Variants in IL31RA observed in about 807,000 individuals in gnomAD.
The protein encoded by IL31RA is interleukin-31 receptor subunit alpha.
A neutral mutation model predicts 83.7 loss-of-function variants in IL31RA; 66 were observed. That is an observed-to-expected ratio of 0.79 (90% confidence interval 0.65 to 0.97). The LOEUF is 0.97. Among genes scored for constraint, IL31RA ranks in the 50% least tolerant of loss-of-function variants. The probability of loss-of-function intolerance (pLI) is 0.00; values close to 1 mark genes in which losing one functional copy is unlikely to be tolerated. For missense variants in IL31RA, 798 were observed against 919.4 expected (o/e 0.87, Z 1.71); for synonymous variants, 325 against 329.0 (o/e 0.99, Z 0.13).
At chr5:55,861,370 A>C (rs1012621693) in intron 2 of IL31RA, among the ~76,000 whole-genome samples, 2 of 152,210 alleles carry the variant, frequency 1.3e-5, no homozygotes, top group African/African-American at 4.8e-5. Context: ...AGCCAGAGTT[A>C]CTGCCTGAGC....
In IL31RA at chr5:55,867,139, G is replaced by GTGTGTGCGTGTGTGCA. The variant is rs371523663; in HGVS notation, c.155-1646_155-1645insCGTGTGTGCATGTGTG. On this transcript the variant is annotated intron_variant, in intron 2 of 14. Transcript: ENST00000652347. ...TGTGTGTGTTTGTGTGTGTGTGCAT[G>GTGTGTGCGTGTGTGCA]TGTGTGTGCATGTGTGTTTGTGTGT... Among the ~76,000 whole-genome samples the GTGTGTGCGTGTGTGCA allele has an allele frequency of 8.1e-3, 418 of 51,438 alleles. 5 individuals carry two copies. Among genetic ancestry groups the GTGTGTGCGTGTGTGCA allele is most frequent in the African/African-American group, 0.029 (406 of 14,234 alleles). The allele number at this position is 51,438 out of a possible 152,430, so 33.7% of individuals were successfully genotyped here. A position where few individuals can be genotyped will look rare whatever the true frequency, so the allele number is the denominator to read the frequency against.
intron 8 of IL31RA, 42 bp from the exon 9 acceptor site, chr5:55,906,064 T>C (rs1482680128): frequency 1.3e-6 from 2 of 1,599,442 alleles, no homozygotes; most frequent in Middle Eastern, 1.7e-4. Context: ...ATTTGGGGAA[T>C]GAGTTGGGTA....
At chr5:55,862,797 G>T (rs978614399) in intron 2 of IL31RA, among the ~76,000 whole-genome samples, 1 of 152,156 alleles carries the variant, frequency 6.6e-6, no homozygotes, top group African/African-American at 2.4e-5. Flanking sequence ...GTCTGTTACA[G>T]GTCCTTAGTC....
chr5:55,870,336 A>G (rs56938922), intron 3 of IL31RA, among the ~76,000 whole-genome samples: 2,670 of 152,350 alleles, frequency 0.018, 77 homozygotes, highest in African/African-American at 0.061. Context: ...TGCAAGATCA[A>G]GAGATGGGCT....
At chr5:55,865,904 G>T (rs890231346) in intron 2 of IL31RA, among the ~76,000 whole-genome samples, 2 of 152,224 alleles carry the variant, frequency 1.3e-5, no homozygotes, top group African/African-American at 4.8e-5. Context: ...TGTGACTGCA[G>T]ACTTGGATGC....
At chr5:55,906,604 G>A (rs2112556269) in intron 9 of IL31RA, among the ~76,000 whole-genome samples, 1 of 152,246 alleles carries the variant, frequency 6.6e-6, no homozygotes, top group East Asian at 1.9e-4. Context: ...GATCCCAGCT[G>A]GCCTACCTAG....
intron 10 of IL31RA, 123 bp downstream of exon 10, chr5:55,907,583 G>T: frequency 2.7e-6 from 2 of 731,926 alleles, no homozygotes; most frequent in Non-Finnish European, 5.0e-6. Context: ...GCTTCATCTT[G>T]TAGTGAGCTC....
Position 55,920,478 on chromosome 5 carries a change from A to G in IL31RA, c.*3358A>G, listed in dbSNP as rs1750038407. Among the ~76,000 whole-genome samples, 1 of 152,270 alleles carries G rather than the reference A, an allele frequency of 6.6e-6. No individual in the cohort carries two copies. The highest frequency in any genetic ancestry group is 6.5e-5 in the Admixed American group (1 of 15,294). Reference sequence around the variant, plus strand: ...AGTCCAAGAAATTCACGTAGTGTTGACAAAGTGTAATTGGAACACAGCCAT... The same window carrying G: ...AGTCCAAGAAATTCACGTAGTGTTGGCAAAGTGTAATTGGAACACAGCCAT... On this transcript the variant is annotated 3_prime_UTR_variant, in exon 15 of 15. Coordinates refer to ENST00000652347, the MANE Select transcript of IL31RA (RefSeq NM_139017.7).
chr5:55,882,884 TG>T (rs1175158627), intron 4 of IL31RA, among the ~76,000 whole-genome samples, 159 bp from the exon 5 acceptor site: 2 of 151,950 alleles, frequency 1.3e-5, no homozygotes, highest in East Asian at 1.9e-4. Context: ...GTGTTGGGGT[TG>T]GGGGGGTGAC....
At chr5:55,859,742 GTGTC>G (rs559261639) in intron 2 of IL31RA, 143 bp downstream of exon 2, 2 of 718,314 alleles carry the variant, frequency 2.8e-6, no homozygotes, top group Non-Finnish European at 5.1e-6. Context: ...ATTTGTGTGT[GTGTC>G]TGTGTGTGCA....
intron 6 of IL31RA, among the ~76,000 whole-genome samples, chr5:55,895,297 G>T (rs574036771): frequency 1.8e-4 from 27 of 152,296 alleles, no homozygotes; most frequent in African/African-American, 5.8e-4. Flanking sequence ...TGGCTAAGGT[G>T]GGTGGGTCGT....
intron 7 of IL31RA, among the ~76,000 whole-genome samples, chr5:55,897,989 A>G (rs1014244449): frequency 5.3e-5 from 8 of 151,848 alleles, no homozygotes; most frequent in Non-Finnish European, 2.9e-5. Flanking sequence ...ACCATCGCCC[A>G]CTCCCTCCAC....
Position 55,902,603 on chromosome 5 carries a change from C to T in IL31RA, c.1069+2471C>T, listed in dbSNP as rs554915878. On this transcript the variant is annotated intron_variant, in intron 8 of 14. Coordinates refer to ENST00000652347, the MANE Select transcript of IL31RA (RefSeq NM_139017.7). ...AGTGAGCCGAGATTGTACCACTGCA[C>T]TCCAGCCTGAGTGACAGAGCGAGAC... 2.0e-5 allele frequency: 3 copies of T among 152,278 alleles called. No individual in the cohort carries two copies. In the East Asian group the frequency reaches 5.8e-4, roughly 29 times the overall value. The allele number at this position is 152,278 out of a possible 1,614,324, so 9.4% of individuals were successfully genotyped here. A position where few individuals can be genotyped will look rare whatever the true frequency, so the allele number is the denominator to read the frequency against.
At chr5:55,907,335 C>G (rs775681005) in intron 9 of IL31RA, 24 bp from the exon 10 acceptor site, 11 of 1,505,638 alleles carry the variant, frequency 7.3e-6, no homozygotes, top group Non-Finnish European at 1.0e-5. Context: ...TGCACTTACA[C>G]TTTTTTTTCT....
Position 55,907,366 on chromosome 5 carries a change from A to T in IL31RA, c.1260A>T (p.Leu420Phe). 6.2e-7 allele frequency: 1 copy of T among 1,610,186 alleles called. No homozygotes were observed. The highest frequency in any genetic ancestry group is 8.5e-7 in the Non-Finnish European group (1 of 1,176,390). The change falls in exon 10 of 15, where the codon TTA becomes TTT. Residue 420 changes from leucine to phenylalanine, a missense_variant. Leu to Phe is a conservative substitution (Grantham distance 22). Transcript: ENST00000652347. ...ATNWTIQQDK[L>F]KPFWCYNISV... ...TTTCTTTCTTTTTCACAGATAAATT[A>T]AAACCTTTCTGGTGCTATAACATCT...
chr5:55,919,198 C>G lies in IL31RA; in HGVS notation c.*2078C>G, dbSNP rs149038193. On this transcript the variant is annotated 3_prime_UTR_variant, in exon 15 of 15. Coordinates refer to ENST00000652347, the MANE Select transcript of IL31RA (RefSeq NM_139017.7). ...GGGCACGGGTACCCCCACAGCTGTT[C>G]TTTCAACCCTCCTGCCCACCTGTAG... Among the ~76,000 whole-genome samples the G allele has an allele frequency of 3.9e-3, 599 of 152,244 alleles. 8 individuals carry two copies. Among genetic ancestry groups the G allele is most frequent in the African/African-American group, 0.014 (567 of 41,542 alleles).
chr5:55,865,830 T>C (rs75509263), intron 2 of IL31RA, among the ~76,000 whole-genome samples: 8,180 of 152,270 alleles, frequency 0.054, 456 homozygotes, highest in African/African-American at 0.14. Context: ...TCAGTCTCTT[T>C]GGGGTTCCTG....
At chr5:55,861,919 C>A (rs1211798132) in intron 2 of IL31RA, among the ~76,000 whole-genome samples, 3 of 152,218 alleles carry the variant, frequency 2.0e-5, no homozygotes, top group Admixed American at 1.3e-4. Flanking sequence ...GACTTTGCAA[C>A]AGCACCAAAG....
chr5:55,888,656 C>A (rs973895301), intron 5 of IL31RA, among the ~76,000 whole-genome samples: 1 of 152,176 alleles, frequency 6.6e-6, no homozygotes, highest in South Asian at 2.1e-4. Context: ...CCTTTCCTGG[C>A]AGTCTTAATC....
Sources: allele counts gnomAD v4.1 joint callset (sites outside exome capture counted in the v4.1 genomes callset), GRCh38; gene constraint gnomAD v4.1.1; transcripts MANE v1.5; gene names NCBI Gene and HGNC (gene_info 2026-07-23, HGNC 2026-07-21).